Variants in TBL1XR1 observed in about 807,000 individuals in gnomAD.
TBL1XR1 encodes the protein F-box-like/WD repeat-containing protein TBL1XR1.
A neutral mutation model predicts 66.9 loss-of-function variants in TBL1XR1; 5 were observed. The ratio of observed to expected loss-of-function variants is 0.07; its 90% CI spans 0.04 to 0.16. The LOEUF (loss-of-function observed/expected upper bound fraction) is 0.16. Among genes scored for constraint, TBL1XR1 ranks in the 10% least tolerant of loss-of-function variants. The pLI is 1.00. For synonymous variants in TBL1XR1, 210 were observed against 206.0 expected (o/e 1.02, Z -0.17); for missense variants, 238 against 623.2 (o/e 0.38, Z 6.58).
Position 177,186,223 on chromosome 3 carries a change from G to A in TBL1XR1, c.-122+10898C>T, listed in dbSNP as rs1030376565. Among the ~76,000 whole-genome samples the A allele has an allele frequency of 3.9e-5, 6 of 151,950 alleles. No homozygotes were observed. In the South Asian group the frequency reaches 6.2e-4, roughly 16 times the overall value. ...TCTGTAATTTTACAAATGTATATCC[G>A]TTACTAAAGAGGACAGAGAACAGTA... On this transcript the variant is annotated intron_variant, in intron 1 of 15. Coordinates refer to ENST00000457928, the MANE Select transcript of TBL1XR1 (RefSeq NM_024665.7).
At position 177,054,063 on chromosome 3, in the gene TBL1XR1, T is replaced by C. The variant is rs141727557; in HGVS notation, c.59-145A>G. 55,275 of 685,442 alleles carry C rather than the reference T, an allele frequency of 0.081. 2,805 individuals carry two copies. The highest frequency in any genetic ancestry group is 0.17 in the Admixed American group (5,328 of 31,860). 42.5% of individuals were successfully genotyped at this position (685,442 alleles called of 1,614,324 possible). A position where few individuals can be genotyped will look rare whatever the true frequency, so the allele number is the denominator to read the frequency against. ...CGAAGGTCGTGTGTGTGTGTGTGTG[T>C]GTGTGTGTGTGCGCGCGCGTGTGTG... On this transcript the variant is annotated intron_variant, in intron 3 of 15. Transcript: ENST00000457928.
intron 1 of TBL1XR1, among the ~76,000 whole-genome samples, chr3:177,119,110 T>G (rs1726672601): frequency 6.6e-6 from 1 of 152,144 alleles, no homozygotes; most frequent in South Asian, 2.1e-4. Flanking sequence ...TAGCTGGGAT[T>G]ACAGGCACCT....
rs992961169 is a variant in TBL1XR1, at chr3:177,023,300, T to C, written c.*2198A>G. ...ATTTGTGTCTATTCCTGGGAGCACATTTTAAAATTATTGCACAGATTTTTT... is the reference window on the plus strand; with the variant it reads ...ATTTGTGTCTATTCCTGGGAGCACACTTTAAAATTATTGCACAGATTTTTT... On this transcript the variant is annotated 3_prime_UTR_variant, in exon 16 of 16. Transcript: ENST00000457928. 4 of 152,556 alleles carry C rather than the reference T, an allele frequency of 2.6e-5. No individual in the cohort carries two copies. Among genetic ancestry groups the C allele is most frequent in the African/African-American group, 7.2e-5 (3 of 41,454 alleles). 9.5% of individuals were successfully genotyped at this position (152,556 alleles called of 1,614,324 possible). A position where few individuals can be genotyped will look rare whatever the true frequency, so the allele number is the denominator to read the frequency against.
Position 177,053,931 on chromosome 3 carries a change from GAA to G in TBL1XR1, c.59-15_59-14del, listed in dbSNP as rs775386912. The G allele has an allele frequency of 5.6e-6, 9 of 1,594,622 alleles. No individual in the cohort carries two copies. The South Asian group carries it at 1.0e-4, about 18-fold the overall frequency. Reference sequence around the variant, plus strand: ...GAATGAGAAAATCCTAAAAACAAAAGAAAAGGCATGAGAATTTATTTTCCTAG... The same window carrying G: ...GAATGAGAAAATCCTAAAAACAAAAGAAGGCATGAGAATTTATTTTCCTAG... On this transcript the variant is annotated splice_polypyrimidine_tract_variant and intron_variant, in intron 3 of 15. Coordinates refer to ENST00000457928, the MANE Select transcript of TBL1XR1 (RefSeq NM_024665.7).
At chr3:177,149,865 A>G (rs1190307071) in intron 1 of TBL1XR1, among the ~76,000 whole-genome samples, 2 of 152,168 alleles carry the variant, frequency 1.3e-5, no homozygotes, top group African/African-American at 4.8e-5. Flanking sequence ...CATGCCTAAA[A>G]TATTTATTAT....
intron 1 of TBL1XR1, among the ~76,000 whole-genome samples, chr3:177,118,042 A>T (rs1322787937): frequency 1.3e-5 from 2 of 152,232 alleles, no homozygotes; most frequent in African/African-American, 4.8e-5. Context: ...TATAGGTAGT[A>T]TACGAATTGT....
At chr3:177,059,573 G>A (rs187992012) in intron 3 of TBL1XR1, among the ~76,000 whole-genome samples, 1 of 152,264 alleles carries the variant, frequency 6.6e-6, no homozygotes, top group African/African-American at 2.4e-5. Flanking sequence ...TTTCTAAGGA[G>A]ATGGAAAATC....
In TBL1XR1 at chr3:177,180,142, CAGG is replaced by C. The variant is rs1375003794; in HGVS notation, c.-122+16976_-122+16978del. ...ATCCCAGCTACTTGGGAGGCTGGGG[CAGG>C]AGAATTGCCTGAATCCGGGAGGCGT... On this transcript the variant is annotated intron_variant, in intron 1 of 15. Transcript: ENST00000457928. 2.0e-5 allele frequency among the ~76,000 whole-genome samples: 3 copies of C among 146,522 alleles called. No individual in the cohort carries two copies. The East Asian group carries it at 6.2e-4, about 30-fold the overall frequency.
chr3:177,095,999 A>C (rs977691094), intron 2 of TBL1XR1, among the ~76,000 whole-genome samples: 1 of 152,200 alleles, frequency 6.6e-6, no homozygotes, highest in Non-Finnish European at 1.5e-5. Flanking sequence ...AATAAGTACA[A>C]CTACTATATA....
intron 1 of TBL1XR1, among the ~76,000 whole-genome samples, chr3:177,181,712 G>C (rs1442404533): frequency 6.6e-6 from 1 of 151,784 alleles, no homozygotes; most frequent in Non-Finnish European, 1.5e-5. Context: ...CACAGTCAAA[G>C]AGAAGGGCAG....
upstream of TBL1XR1, among the ~76,000 whole-genome samples, chr3:177,201,178 C>G (rs889728125): frequency 6.6e-6 from 1 of 150,394 alleles, no homozygotes; most frequent in Non-Finnish European, 1.5e-5. Context: ...TTTGGGAGGC[C>G]GAGGCGGGCG....
chr3:177,034,207 A>G lies in TBL1XR1; in HGVS notation c.1241T>C (p.Met414Thr). Residue 414 changes from methionine to threonine, a missense_variant, in exon 13 of 16, where the codon ATG becomes ACG. This residue lies in a region of TBL1XR1 where 89 missense variants were observed against 220.2 expected (regional missense o/e 0.40). Coordinates refer to ENST00000457928, the MANE Select transcript of TBL1XR1 (RefSeq NM_024665.7). Reference sequence around the variant, plus strand: ...GAAACAGAAGTATCACCTTGCTAACATAAGGTTGGCATTTGGATTATTAGT... The same window carrying G: ...GAAACAGAAGTATCACCTTGCTAACGTAAGGTTGGCATTTGGATTATTAGT... Reference protein sequence around the residue: ...PGTNNPNANLMLASASFDSTV... With the variant: ...PGTNNPNANLTLASASFDSTV... 6.2e-7 allele frequency: 1 copy of G among 1,601,800 alleles called. No homozygotes were observed. The highest frequency in any genetic ancestry group is 8.5e-7 in the Non-Finnish European group (1 of 1,176,996).
chr3:177,155,358 CCA>C (rs1553858559), intron 1 of TBL1XR1, among the ~76,000 whole-genome samples: 3 of 152,164 alleles, frequency 2.0e-5, no homozygotes, highest in Non-Finnish European at 4.4e-5. Context: ...AAAAACATAG[CCA>C]CAGACTCCAC....
At chr3:177,173,135 C>T (rs985423973) in intron 1 of TBL1XR1, among the ~76,000 whole-genome samples, 5 of 152,132 alleles carry the variant, frequency 3.3e-5, no homozygotes, top group Admixed American at 2.0e-4. Flanking sequence ...TGCAGTGAGC[C>T]GAGATCGTGC....
At chr3:177,131,975 G>A (rs1370207869) in intron 1 of TBL1XR1, among the ~76,000 whole-genome samples, 1 of 151,272 alleles carries the variant, frequency 6.6e-6, no homozygotes, top group African/African-American at 2.4e-5. Flanking sequence ...GAACTGTCCT[G>A]TGTACATTCC....
chr3:177,053,311 A>G (rs1285325755), intron 4 of TBL1XR1, among the ~76,000 whole-genome samples: 2 of 152,192 alleles, frequency 1.3e-5, no homozygotes, highest in Non-Finnish European at 2.9e-5. Context: ...ATTGAGAAAA[A>G]CAGGGAGGAG....
chr3:177,051,518 G>C lies in TBL1XR1; in HGVS notation c.413C>G (p.Ala138Gly), dbSNP rs1717082998. Residue 138 changes from alanine to glycine, a missense_variant, in exon 5 of 16, where the codon GCA (alanine) becomes GGA (glycine). Physicochemically the swap from Ala to Gly is moderately conservative, Grantham distance 60 (BLOSUM62 0). This residue lies in a region of TBL1XR1 where 80 missense variants were observed against 100.5 expected (regional missense o/e 0.80). Coordinates refer to ENST00000457928, the MANE Select transcript of TBL1XR1 (RefSeq NM_024665.7). The part of the protein sequence containing the change: ...ENTANGEENG[A>G]HTIANNHTDM... ...TCTGAGCTCACTTGCTATAGTATGTGCTCCATTCTCCTCCCCATTTGCTGT... is the reference window on the plus strand; with the variant it reads ...TCTGAGCTCACTTGCTATAGTATGTCCTCCATTCTCCTCCCCATTTGCTGT... 1 of 1,612,596 alleles carries C rather than the reference G, an allele frequency of 6.2e-7. No homozygotes were observed. Among genetic ancestry groups the C allele is most frequent in the African/African-American group, 1.3e-5 (1 of 74,904 alleles).
At chr3:177,135,403 A>G (rs550715382) in intron 1 of TBL1XR1, among the ~76,000 whole-genome samples, 2 of 122,956 alleles carry the variant, frequency 1.6e-5, no homozygotes, top group South Asian at 5.5e-4. Flanking sequence ...TTTTTTTAAG[A>G]GACGGAGTCT....
chr3:177,090,133 G>T (rs1722642875), intron 2 of TBL1XR1, among the ~76,000 whole-genome samples: 1 of 152,154 alleles, frequency 6.6e-6, no homozygotes, highest in South Asian at 2.1e-4. Flanking sequence ...GAATGCAGCT[G>T]TAAAACAATG....
Sources: gnomAD v4.1 joint callset for allele counts (sites outside exome capture counted in the v4.1 genomes callset) on GRCh38, gnomAD v4.1.1 for gene constraint, gnomAD v4.1.1 regional missense constraint, MANE v1.5 for transcripts, NCBI Gene and HGNC (gene_info 2026-07-23, HGNC 2026-07-21) for gene names.